BCAS3: variants seen among roughly 807,000 people sequenced by gnomAD.
BCAS3 encodes BCAS3 microtubule associated cell migration factor.
BCAS3 carries 53 observed loss-of-function variants against 116.1 expected under a neutral mutation model. The ratio of observed to expected loss-of-function variants is 0.46; its 90% CI spans 0.37 to 0.57. BCAS3 has a LOEUF of 0.57. BCAS3 is among the 20% of genes least tolerant of loss of function. The pLI is 0.00. For synonymous variants in BCAS3, 391 were observed against 408.2 expected (o/e 0.96, Z 0.51); for missense variants, 917 against 1,165.4 (o/e 0.79, Z 3.10).
At chr17:60,813,595 T>C (rs926730735) in intron 7 of BCAS3, among the ~76,000 whole-genome samples, 2 of 152,236 alleles carry the variant, frequency 1.3e-5, no homozygotes, top group Non-Finnish European at 2.9e-5. Context: ...ATTCACAAAC[T>C]GTGCATCCAA....
At chr17:60,736,551 T>C (rs1014378271) in intron 5 of BCAS3, among the ~76,000 whole-genome samples, 5 of 152,220 alleles carry the variant, frequency 3.3e-5, no homozygotes, top group Middle Eastern at 6.8e-3. Context: ...TAGGAAGCAT[T>C]CTATATGCTT....
chr17:60,739,221 T>C (rs537232150), intron 5 of BCAS3, among the ~76,000 whole-genome samples: 91 of 152,346 alleles, frequency 6.0e-4, no homozygotes, highest in Middle Eastern at 3.4e-3. Context: ...TAAGTGCATA[T>C]ATATACACAC....
Position 61,163,738 on chromosome 17 carries a change from G to A in BCAS3, c.2425+79174G>A, listed in dbSNP as rs1196097084. Among the ~76,000 whole-genome samples, 4 of 152,200 alleles carry A rather than the reference G, an allele frequency of 2.6e-5. No homozygotes were observed. The East Asian group carries it at 5.8e-4, about 22-fold the overall frequency. On this transcript the variant is annotated intron_variant, in intron 22 of 23. Coordinates refer to ENST00000407086, the MANE Select transcript of BCAS3 (RefSeq NM_017679.5). The stretch of plus-strand genomic sequence containing the variant: ...ACGGTGGCTCACGCCTGTAATCCCA[G>A]TACTTTGGGAGGCCAAGGTGGGCAG...
At chr17:61,193,625 C>T (rs934462003) in intron 22 of BCAS3, among the ~76,000 whole-genome samples, 3 of 151,732 alleles carry the variant, frequency 2.0e-5, no homozygotes, top group Non-Finnish European at 2.9e-5. Flanking sequence ...GGTGTCGTGG[C>T]GCATGCCTGT....
intron 4 of BCAS3, among the ~76,000 whole-genome samples, chr17:60,698,925 T>C (rs111921569): frequency 0.07 from 10,634 of 152,114 alleles, 1,236 homozygotes; most frequent in African/African-American, 0.24. Flanking sequence ...GGTGTGGTGG[T>C]GGGCATCTGT....
intron 6 of BCAS3, among the ~76,000 whole-genome samples, chr17:60,799,675 C>T (rs1331571421): frequency 2.2e-4 from 32 of 142,422 alleles, no homozygotes; most frequent in Admixed American, 3.5e-4. Flanking sequence ...ATTACAGGTG[C>T]GCGCCACTAC....
In BCAS3 at chr17:61,034,012, A is replaced by G. The variant is rs2066837156; in HGVS notation, c.1638-654A>G. 6.6e-6 allele frequency among the ~76,000 whole-genome samples: 1 copy of G among 152,214 alleles called. No individual in the cohort carries two copies. Among genetic ancestry groups the G allele is most frequent in the East Asian group, 1.9e-4 (1 of 5,202 alleles). On this transcript the variant is annotated intron_variant, in intron 16 of 23. Coordinates refer to ENST00000407086, the MANE Select transcript of BCAS3 (RefSeq NM_017679.5). This position sits in a 1 kb window ranked among gnomAD's most constrained non-coding sequence, Gnocchi z 5.0. ...ATTCCACCTTGGTCTTTTTCTCTGA[A>G]CAAAAATAGACACATCATTTTCACA...
At chr17:60,678,213 C>A (rs1179188283) in intron 1 of BCAS3, among the ~76,000 whole-genome samples, 3 of 151,956 alleles carry the variant, frequency 2.0e-5, no homozygotes, top group African/African-American at 4.8e-5. Context: ...GACTGTGGTT[C>A]GAGAAAGCAA....
chr17:61,213,916 G>A lies in BCAS3; in HGVS notation c.2425+129352G>A, dbSNP rs1356890272. On this transcript the variant is annotated intron_variant, in intron 22 of 23. Transcript: ENST00000407086. This position sits in a 1 kb window ranked among gnomAD's most constrained non-coding sequence, Gnocchi z 5.4. ...CCAGGGTAGCAGAGAAGAGACTATAGAAATGTAGTGCAGAGGGAAGACAAG... is the reference window on the plus strand; with the variant it reads ...CCAGGGTAGCAGAGAAGAGACTATAAAAATGTAGTGCAGAGGGAAGACAAG... Among the ~76,000 whole-genome samples, 2 of 152,148 alleles carry A rather than the reference G, an allele frequency of 1.3e-5. No homozygotes were observed. The highest frequency in any genetic ancestry group is 4.8e-5 in the African/African-American group (2 of 41,412).
intron 13 of BCAS3, among the ~76,000 whole-genome samples, chr17:60,931,590 G>C (rs1478158654): frequency 6.6e-6 from 1 of 151,904 alleles, no homozygotes; most frequent in Non-Finnish European, 1.5e-5. Flanking sequence ...ATCTTCTTTT[G>C]CCTGGCTAAC....
intron 7 of BCAS3, chr17:60,810,619 C>T: frequency 1.4e-6 from 1 of 702,306 alleles, no homozygotes; most frequent in Non-Finnish European, 2.7e-6. Flanking sequence ...CTGCATCGTT[C>T]TGCAAATCAA....
intron 6 of BCAS3, among the ~76,000 whole-genome samples, chr17:60,768,329 G>A (rs995679790): frequency 2.0e-5 from 3 of 152,154 alleles, no homozygotes; most frequent in African/African-American, 7.2e-5. Flanking sequence ...GGCTTGGAAA[G>A]GCAGACCCAC....
At chr17:60,768,232 A>C (rs1053513532) in intron 6 of BCAS3, among the ~76,000 whole-genome samples, 3 of 152,152 alleles carry the variant, frequency 2.0e-5, no homozygotes, top group Non-Finnish European at 2.9e-5. Context: ...ACTGAGTGTC[A>C]ACTTGATTGG....
chr17:61,277,052 C>T (rs2050815665), intron 22 of BCAS3, among the ~76,000 whole-genome samples: 2 of 151,726 alleles, frequency 1.3e-5, no homozygotes, highest in Non-Finnish European at 1.5e-5. Flanking sequence ...CACTTGAGGC[C>T]AGGAGTTTGA....
chr17:61,239,295 A>G lies in BCAS3; in HGVS notation c.2426-129032A>G, dbSNP rs997652712. Among the ~76,000 whole-genome samples the G allele has an allele frequency of 2.6e-5, 4 of 152,234 alleles. No homozygotes were observed. The highest frequency in any genetic ancestry group is 2.0e-4 in the Admixed American group (3 of 15,286). The stretch of plus-strand genomic sequence containing the variant: ...ATTTGAAGAGAAGATCTTAGTTTTT[A>G]TAGCAGTACCATCAAAGATAGTTAT... On this transcript the variant is annotated intron_variant, in intron 22 of 23. Coordinates refer to ENST00000407086, the MANE Select transcript of BCAS3 (RefSeq NM_017679.5). This position sits in a 1 kb window ranked among gnomAD's most constrained non-coding sequence, Gnocchi z 4.2.
rs1366454602 is a variant in BCAS3, at chr17:61,244,980, A to G, written c.2426-123347A>G. ...TTCATCTTTCTAAATGTGGTGTAATAGACTATAATTTTAGTAAGTGTATCA... is the reference window on the plus strand; with the variant it reads ...TTCATCTTTCTAAATGTGGTGTAATGGACTATAATTTTAGTAAGTGTATCA... On this transcript the variant is annotated intron_variant, in intron 22 of 23. Coordinates refer to ENST00000407086, the MANE Select transcript of BCAS3 (RefSeq NM_017679.5). The surrounding 1 kb of genome is among the most constrained non-coding windows in gnomAD (Gnocchi z 4.9). Among the ~76,000 whole-genome samples, 1 of 152,248 alleles carries G rather than the reference A, an allele frequency of 6.6e-6. No individual in the cohort carries two copies. The highest frequency in any genetic ancestry group is 1.9e-4 in the East Asian group (1 of 5,206).
intron 6 of BCAS3, among the ~76,000 whole-genome samples, chr17:60,772,229 CTT>C (rs1170542642): frequency 6.6e-6 from 1 of 152,084 alleles, no homozygotes; most frequent in East Asian, 1.9e-4. Flanking sequence ...TGTTTCCTGA[CTT>C]TTTAATGATC....
intron 19 of BCAS3, among the ~76,000 whole-genome samples, chr17:61,042,625 C>T (rs1042376820): frequency 9.2e-5 from 14 of 151,788 alleles, no homozygotes; most frequent in African/African-American, 2.9e-4. Context: ...CAGTGGCTCA[C>T]GTCTGTAATC....
chr17:60,921,570 G>A (rs2059095396), intron 12 of BCAS3, among the ~76,000 whole-genome samples: 2 of 137,002 alleles, frequency 1.5e-5, no homozygotes, highest in African/African-American at 5.3e-5. Context: ...CCGAGATCCC[G>A]CCACTGCACT....
Sources: allele counts gnomAD v4.1 joint callset (sites outside exome capture counted in the v4.1 genomes callset), GRCh38; gene constraint gnomAD v4.1.1; non-coding constraint Gnocchi (gnomAD v3.1); transcripts MANE v1.5; gene names NCBI Gene and HGNC (gene_info 2026-07-23, HGNC 2026-07-21).